Variants in SLC5A4 observed in about 807,000 individuals in gnomAD.
SLC5A4 encodes probable glucose sensor protein SLC5A4.
SLC5A4 carries 55 observed loss-of-function variants against 70.3 expected under a neutral mutation model. The observed-to-expected ratio is 0.78, with a 90% confidence interval of 0.63 to 0.98. The LOEUF is 0.98. SLC5A4 is among the 50% of genes least tolerant of loss of function. The probability of loss-of-function intolerance (pLI) is 0.00; values close to 1 mark genes in which losing one functional copy is unlikely to be tolerated. For synonymous variants in SLC5A4, 268 were observed against 305.7 expected, an observed-to-expected ratio of 0.88 and a Z score of 1.29; for missense variants, 735 against 839.2, an observed-to-expected ratio of 0.88 and a Z score of 1.53.
chr22:32,300,440 C>T, the SLC5A4 span, among the ~76,000 whole-genome samples: 2 of 152,158 alleles, frequency 1.3e-5, no homozygotes, highest in African/African-American at 4.8e-5. Flanking sequence ...CGTCCGTCAC[C>T]CCTTTCTTTG....
chr22:32,272,136 G>C, the SLC5A4 span: 22 of 686,322 alleles, frequency 3.2e-5, no homozygotes, highest in South Asian at 3.3e-4. Flanking sequence ...AGGAGACCAG[G>C]TCAGGCTTCA....
chr22:32,305,639 G>T, the SLC5A4 span, among the ~76,000 whole-genome samples: 1 of 138,016 alleles, frequency 7.2e-6, no homozygotes, highest in East Asian at 2.1e-4. Context: ...CCTGCTGGCG[G>T]GTGGGGCCAG....
Position 32,231,079 on chromosome 22 carries a change from G to A in SLC5A4, c.1022-4C>T, listed in dbSNP as rs549721677. On this transcript the variant is annotated splice_polypyrimidine_tract_variant and splice_region_variant and intron_variant, in intron 9 of 14. Coordinates refer to ENST00000266086, the MANE Select transcript of SLC5A4 (RefSeq NM_014227.3). ...GGTACCACACATGCTACCATATCTG[G>A]GGAAGAATTCAGAAGTGAGTCCAAT... 1.7e-4 allele frequency: 275 copies of A among 1,600,942 alleles called. 2 individuals carry two copies. In the South Asian group the frequency reaches 2.9e-3, roughly 17 times the overall value.
chr22:32,302,022 A>C, the SLC5A4 span, among the ~76,000 whole-genome samples: 1 of 152,198 alleles, frequency 6.6e-6, no homozygotes, highest in Non-Finnish European at 1.5e-5. Context: ...AGCTAAAACT[A>C]TAAAGTTCTT....
chr22:32,251,167 A>AAAAAAAAAAAAAAAAAAG, intron 3 of SLC5A4, among the ~76,000 whole-genome samples: 1 of 150,550 alleles, frequency 6.6e-6, no homozygotes, highest in Non-Finnish European at 1.5e-5. Flanking sequence ...AAAAAAAAAA[A>AAAAAAAAAAAAAAAAAAG]AAAAAAAAAC....
the SLC5A4 span, among the ~76,000 whole-genome samples, chr22:32,323,640 G>A: frequency 1.3e-5 from 2 of 152,244 alleles, no homozygotes; most frequent in Non-Finnish European, 2.9e-5. Flanking sequence ...GAGGGAAGAG[G>A]GACAAAGTCA....
In SLC5A4 at chr22:32,220,975, G is replaced by A. The variant is rs781302397; in HGVS notation, c.1713C>T (p.Ile571=). The A allele has an allele frequency of 4.3e-6, 7 of 1,613,836 alleles. No homozygotes were observed. The highest frequency in any genetic ancestry group is 5.9e-6 in the Non-Finnish European group (7 of 1,179,858). The change falls in exon 14 of 15, where the codon ATC becomes ATT. Residue 571 remains isoleucine (I), a synonymous_variant. Coordinates refer to ENST00000266086, the MANE Select transcript of SLC5A4 (RefSeq NM_014227.3). ...GACTTTTCTCTTCTGCATCTATATC[G>A]ATTCGCTCCTCTGTACTGTTCCGAA... ...WVLRNSTEER[I]DIDAEEKSQE...
Position 32,219,630 on chromosome 22 carries a change from C to CAAAAAAAAAAAAAAAAAAA in SLC5A4, c.1769-924_1769-906dup. Among the ~76,000 whole-genome samples the CAAAAAAAAAAAAAAAAAAA allele has an allele frequency of 1.7e-4, 5 of 28,880 alleles. 1 individual carries two copies. Among genetic ancestry groups the CAAAAAAAAAAAAAAAAAAA allele is most frequent in the African/African-American group, 5.1e-4 (2 of 3,890 alleles). 18.9% of individuals were successfully genotyped at this position (28,880 alleles called of 152,430 possible). A position where few individuals can be genotyped will look rare whatever the true frequency, so the allele number is the denominator to read the frequency against. On this transcript the variant is annotated intron_variant, in intron 14 of 14. Coordinates refer to ENST00000266086, the MANE Select transcript of SLC5A4 (RefSeq NM_014227.3). ...ATGAATGAGTTAATATCCAACTTAG[C>CAAAAAAAAAAAAAAAAAAA]AAAAAAAAAAAAAAAAAAAAAAGAA...
chr22:32,307,918 T>A, the SLC5A4 span, among the ~76,000 whole-genome samples: 12 of 138,974 alleles, frequency 8.6e-5, no homozygotes, highest in Admixed American at 3.1e-4. Flanking sequence ...ATCCCTGCAG[T>A]TTGCAGGGAT....
chr22:32,255,410 T>G, upstream of SLC5A4: 1 of 1,488,874 alleles, frequency 6.7e-7, no homozygotes, highest in Non-Finnish European at 9.3e-7. Flanking sequence ...CTCAGGCAGG[T>G]GGGGCGAGAT....
At chr22:32,267,582 G>A in the SLC5A4 span, among the ~76,000 whole-genome samples, 7 of 152,148 alleles carry the variant, frequency 4.6e-5, no homozygotes, top group African/African-American at 7.2e-5. Context: ...GGGCTCAGGC[G>A]ATCCTCCCGA....
chr22:32,294,104 T>C, the SLC5A4 span, among the ~76,000 whole-genome samples: 5 of 152,264 alleles, frequency 3.3e-5, no homozygotes, highest in East Asian at 9.7e-4. Context: ...TTGATGTCTT[T>C]CAGTAGTTGC....
At position 32,224,433 on chromosome 22, in the gene SLC5A4, A is replaced by T; in HGVS notation, c.1499T>A (p.Met500Lys). Reference sequence around the variant, plus strand: ...TGTTCCATAAGCAAACTCTGTTATCATACGAATGAGGCCCATTGCAAGTCC... The same window carrying T: ...TGTTCCATAAGCAAACTCTGTTATCTTACGAATGAGGCCCATTGCAAGTCC... ...MVGLAMGLIR[M>K]ITEFAYGTGS... is the part of the protein sequence containing the mutation. The change falls in exon 13 of 15, where the codon ATG becomes AAG. Residue 500 changes from methionine (M) to lysine (K), a missense_variant. Coordinates refer to ENST00000266086, the MANE Select transcript of SLC5A4 (RefSeq NM_014227.3). The T allele has an allele frequency of 6.2e-7, 1 of 1,613,634 alleles. No homozygotes were observed. Among genetic ancestry groups the T allele is most frequent in the Non-Finnish European group, 8.5e-7 (1 of 1,179,602 alleles).
the SLC5A4 span, among the ~76,000 whole-genome samples, chr22:32,338,178 G>C: frequency 6.6e-6 from 1 of 152,176 alleles, no homozygotes; most frequent in African/African-American, 2.4e-5. Flanking sequence ...TAAGTAAACA[G>C]AATGAGGGAT....
chr22:32,312,100 A>C, the SLC5A4 span, among the ~76,000 whole-genome samples: 1 of 152,142 alleles, frequency 6.6e-6, no homozygotes, highest in Non-Finnish European at 1.5e-5. Context: ...CCCTGTGGTC[A>C]GCCTGAGATG....
chr22:32,320,644 C>G, the SLC5A4 span, among the ~76,000 whole-genome samples: 4 of 152,196 alleles, frequency 2.6e-5, no homozygotes, highest in Non-Finnish European at 4.4e-5. Context: ...GCCCTCTGCC[C>G]TGAACCTTAG....
chr22:32,249,327 A>C (rs1421586438), intron 3 of SLC5A4, among the ~76,000 whole-genome samples: 1 of 152,180 alleles, frequency 6.6e-6, no homozygotes, highest in Non-Finnish European at 1.5e-5. Context: ...GAGAGGGGGA[A>C]CTTGAGCCTT....
rs866255777 is a variant in SLC5A4 at position 32,224,156 on chromosome 22, G to A, written c.1665+111C>T. On this transcript the variant is annotated intron_variant, in intron 13 of 14. Coordinates refer to ENST00000266086, the MANE Select transcript of SLC5A4 (RefSeq NM_014227.3). Reference sequence around the variant, plus strand: ...AGGATGGTCTCCATCTCCTGACCTCGTGATCCGCCCGCCTTGGCCTCCCAA... The same window carrying A: ...AGGATGGTCTCCATCTCCTGACCTCATGATCCGCCCGCCTTGGCCTCCCAA... The A allele has an allele frequency of 4.2e-5, 32 of 759,406 alleles. 2 individuals carry two copies. In the Middle Eastern group the frequency reaches 5.3e-3, roughly 126 times the overall value. The allele number at this position is 759,406 out of a possible 1,614,324, so 47.0% of individuals were successfully genotyped here. A position where few individuals can be genotyped will look rare whatever the true frequency, so the allele number is the denominator to read the frequency against.
At chr22:32,346,595 C>T in the SLC5A4 span, among the ~76,000 whole-genome samples, 5,279 of 137,308 alleles carry the variant, frequency 0.038, 145 homozygotes, top group South Asian at 0.068. Flanking sequence ...GAAAAACAAG[C>T]AATGGGGAAA....
Sources: gnomAD v4.1 joint callset for allele counts (sites outside exome capture counted in the v4.1 genomes callset) on GRCh38, gnomAD v4.1.1 for gene constraint, MANE v1.5 for transcripts, NCBI Gene and HGNC (gene_info 2026-07-23, HGNC 2026-07-21) for gene names.